Variants in ZNF654 observed in about 807,000 individuals in gnomAD.
ZNF654 encodes the protein zinc finger protein 654, also known as melanoma-associated antigen.
Under a neutral mutation model 95.3 loss-of-function variants are expected in ZNF654, and 19 were observed. The observed-to-expected ratio is 0.20, with a 90% CI of 0.14 to 0.29. The LOEUF (loss-of-function observed/expected upper bound fraction) is 0.29, where lower values mean the gene tolerates loss of function less well. Ranked by LOEUF, ZNF654 falls within the 10% of genes least tolerant of loss-of-function variation. The pLI is 1.00. For missense variants in ZNF654, 1,046 were observed against 1,341.0 expected (o/e 0.78, Z 3.44); for synonymous variants, 413 against 457.9 (o/e 0.90, Z 1.25).
chr3:88,082,219 C>T (rs553719591), intron 1 of ZNF654, among the ~76,000 whole-genome samples: 31 of 151,968 alleles, frequency 2.0e-4, no homozygotes, highest in African/African-American at 6.0e-4. Context: ...CTCTGCCTCC[C>T]GGGTTCAAGT....
intron 6 of ZNF654, among the ~76,000 whole-genome samples, chr3:88,134,246 G>A (rs1167475150): frequency 6.6e-6 from 1 of 152,038 alleles, no homozygotes. Flanking sequence ...GCACCCTCAT[G>A]ATGGTAATCA....
At chr3:88,129,877 G>A in intron 6 of ZNF654, 51 bp downstream of exon 6, 1 of 1,321,058 alleles carries the variant, frequency 7.6e-7, no homozygotes, top group Middle Eastern at 2.0e-4. Flanking sequence ...GCAACAGAAA[G>A]GAAATTGCAG....
At chr3:88,120,954 G>C (rs1284404468) in intron 3 of ZNF654, among the ~76,000 whole-genome samples, 3 of 152,036 alleles carry the variant, frequency 2.0e-5, no homozygotes, top group Non-Finnish European at 4.4e-5. Flanking sequence ...AAATTTTCTT[G>C]TCTGAGCATT....
Position 88,139,352 on chromosome 3 carries a change from G to A in ZNF654, c.1683G>A (p.Arg561=). The A allele has an allele frequency of 1.2e-6, 2 of 1,611,892 alleles. No individual in the cohort carries two copies. The highest frequency in any genetic ancestry group is 1.7e-6 in the Non-Finnish European group (2 of 1,179,160). ...NKEFLGGHIV[R]HAQAHQKKGS... is the part of the protein sequence containing the mutation. ...AATTTTTAGGTGGTCACATTGTAAGGCATGCCCAGGCTCATCAGAAAAAAG... is the reference window on the plus strand; with the variant it reads ...AATTTTTAGGTGGTCACATTGTAAGACATGCCCAGGCTCATCAGAAAAAAG... The change falls in exon 8 of 9, where the codon AGG becomes AGA. Residue 561 remains arginine, a synonymous_variant. Coordinates refer to ENST00000636215, the MANE Select transcript of ZNF654 (RefSeq NM_001350134.2).
intron 2 of ZNF654, among the ~76,000 whole-genome samples, chr3:88,109,142 A>AGTTGTGTGT (rs1553697146): frequency 7.0e-6 from 1 of 142,434 alleles, no homozygotes; most frequent in Non-Finnish European, 1.5e-5. Context: ...AGTGGGCACT[A>AGTTGTGTGT]GTGTGTGTGT....
rs572310245 is a variant in ZNF654, at chr3:88,144,188, G to A, written c.*2536G>A. 2.0e-5 allele frequency: 3 copies of A among 152,398 alleles called. No individual in the cohort carries two copies. Among genetic ancestry groups the A allele is most frequent in the Non-Finnish European group, 3.0e-5 (2 of 67,776 alleles). The allele number at this position is 152,398 out of a possible 1,614,324, so 9.4% of individuals were successfully genotyped here. On this transcript the variant is annotated 3_prime_UTR_variant, in exon 9 of 9. Transcript: ENST00000636215. ...GGAGGAGGTAAAAAGGGGAATCTCC[G>A]TGGACAAGGACACTGGTACTTTGGG...
intron 3 of ZNF654, among the ~76,000 whole-genome samples, chr3:88,120,258 C>A (rs1309323926): frequency 6.6e-6 from 1 of 152,132 alleles, no homozygotes; most frequent in Non-Finnish European, 1.5e-5. Flanking sequence ...ACCCAGCATT[C>A]TAATTCTTTC....
chr3:88,114,366 T>A (rs931844056), intron 3 of ZNF654, among the ~76,000 whole-genome samples: 1 of 152,124 alleles, frequency 6.6e-6, no homozygotes, highest in African/African-American at 2.4e-5. Context: ...TGAGGGACAA[T>A]ATTTAACTTC....
chr3:88,130,258 C>G (rs980093880), intron 6 of ZNF654, among the ~76,000 whole-genome samples: 2 of 152,166 alleles, frequency 1.3e-5, no homozygotes, highest in African/African-American at 4.8e-5. Context: ...CACCCATATA[C>G]ACACATACAC....
intron 2 of ZNF654, among the ~76,000 whole-genome samples, chr3:88,092,136 A>G (rs941934946): frequency 6.6e-6 from 1 of 152,202 alleles, no homozygotes; most frequent in Admixed American, 6.5e-5. Flanking sequence ...TATTTTCCAT[A>G]CCAGAAGAAA....
chr3:88,130,274 A>C (rs1706368174), intron 6 of ZNF654, among the ~76,000 whole-genome samples: 1 of 152,112 alleles, frequency 6.6e-6, no homozygotes, highest in East Asian at 1.9e-4. Flanking sequence ...TACACACACA[A>C]AACTCTTACC....
At chr3:88,113,938 A>G (rs1453977528) in intron 3 of ZNF654, among the ~76,000 whole-genome samples, 1 of 152,176 alleles carries the variant, frequency 6.6e-6, no homozygotes. Flanking sequence ...AAAGAGGTAA[A>G]AATACCTGTT....
Position 88,140,765 on chromosome 3 carries a change from G to T in ZNF654, c.3096G>T (p.Leu1032=). Residue 1032 remains leucine (L), a synonymous_variant, in exon 8 of 9, where the codon CTG becomes CTT. Transcript: ENST00000636215. ...PVSQAPSKPN[L]TSEHTSYGLI... ...CTCAGGCACCTTCCAAACCAAATCT[G>T]ACAAGTGAACATACTTCATATGGCT... is the stretch of plus-strand genomic sequence containing the variant. The T allele has an allele frequency of 6.2e-7, 1 of 1,613,612 alleles. No homozygotes were observed. Among genetic ancestry groups the T allele is most frequent in the Non-Finnish European group, 8.5e-7 (1 of 1,179,720 alleles).
chr3:88,088,756 G>A (rs921102799), intron 2 of ZNF654, among the ~76,000 whole-genome samples: 2 of 143,668 alleles, frequency 1.4e-5, no homozygotes, highest in South Asian at 2.4e-4. Flanking sequence ...ATGTATGTAT[G>A]TATGTATGGA....
At chr3:88,106,805 G>A (rs1704768647) in intron 2 of ZNF654, among the ~76,000 whole-genome samples, 1 of 152,048 alleles carries the variant, frequency 6.6e-6, no homozygotes. Flanking sequence ...AGTTATATGA[G>A]GATTTTTTTT....
chr3:88,119,695 C>CA (rs975540707), intron 3 of ZNF654, among the ~76,000 whole-genome samples: 3 of 152,086 alleles, frequency 2.0e-5, no homozygotes, highest in Non-Finnish European at 4.4e-5. Flanking sequence ...AACCTGTGCT[C>CA]AAAAAATCTT....
At position 88,059,325 on chromosome 3, in the gene ZNF654, G is replaced by C; in HGVS notation, c.6G>C (p.Ala2=). The C allele has an allele frequency of 6.5e-7, 1 of 1,534,210 alleles. No individual in the cohort carries two copies. Among genetic ancestry groups the C allele is most frequent in the Non-Finnish European group, 8.7e-7 (1 of 1,146,650 alleles). Residue 2 remains alanine, a synonymous_variant, in exon 1 of 9, where the codon GCG becomes GCC. Coordinates refer to ENST00000636215, the MANE Select transcript of ZNF654 (RefSeq NM_001350134.2). M[A]EEESDQEAER... ...CGCTGGGCGGCGAGAGCCTCATGGCGGAGGAAGAGAGCGACCAAGAGGCCG... is the reference window on the plus strand; with the variant it reads ...CGCTGGGCGGCGAGAGCCTCATGGCCGAGGAAGAGAGCGACCAAGAGGCCG...
At chr3:88,120,385 C>T (rs1220151604) in intron 3 of ZNF654, among the ~76,000 whole-genome samples, 1 of 152,102 alleles carries the variant, frequency 6.6e-6, no homozygotes, top group Non-Finnish European at 1.5e-5. Context: ...GCTTTATTGT[C>T]TAAGCTTTTA....
At chr3:88,059,609 C>T (rs1301167249) in intron 1 of ZNF654, 104 bp downstream of exon 1, 48 of 1,399,184 alleles carry the variant, frequency 3.4e-5, no homozygotes, top group South Asian at 9.3e-5. Flanking sequence ...AGTGCCCGCT[C>T]CTCCCCAACA....
Sources: gnomAD v4.1 joint callset for allele counts (sites outside exome capture counted in the v4.1 genomes callset) on GRCh38, gnomAD v4.1.1 for gene constraint, MANE v1.5 for transcripts, NCBI Gene and HGNC (gene_info 2026-07-23, HGNC 2026-07-21) for gene names.